Variants in TMPRSS13 observed in about 807,000 individuals in gnomAD.
The protein encoded by TMPRSS13 is transmembrane protease serine 13.
TMPRSS13 carries 50 observed loss-of-function variants against 68.4 expected under a neutral mutation model. The observed-to-expected ratio is 0.73, with a 90% CI of 0.58 to 0.93. The LOEUF (loss-of-function observed/expected upper bound fraction) is 0.93. Among genes scored for constraint, TMPRSS13 ranks in the 40% least tolerant of loss-of-function variants. The pLI, the probability that TMPRSS13 is intolerant of heterozygous loss-of-function variation, is 0.00. For synonymous variants in TMPRSS13, 267 were observed against 285.8 expected, an observed-to-expected ratio of 0.93 and a Z score of 0.66; for missense variants, 615 against 729.2, an observed-to-expected ratio of 0.84 and a Z score of 1.80.
rs1027441667 is a variant in TMPRSS13, at chr11:117,919,675, T to C, written c.22-837A>G. Among the ~76,000 whole-genome samples the C allele has an allele frequency of 7.9e-5, 12 of 152,100 alleles. No homozygotes were observed. In the East Asian group the frequency reaches 9.6e-4, roughly 12 times the overall value. On this transcript the variant is annotated intron_variant, in intron 1 of 12. Coordinates refer to ENST00000524993, the MANE Select transcript of TMPRSS13 (RefSeq NM_001077263.3). The stretch of plus-strand genomic sequence containing the variant: ...TCGTGTGTGTACTGGCACTTTAGAG[T>C]TGATAATAAACGTTCACATCTGTGG...
intron 1 of TMPRSS13, among the ~76,000 whole-genome samples, chr11:117,919,693 A>T (rs1283697346): frequency 6.6e-6 from 1 of 152,264 alleles, no homozygotes; most frequent in African/African-American, 2.4e-5. Context: ...AAACGTTCAC[A>T]TCTGTGGCCT....
At chr11:117,924,580 G>A (rs2057684302) in intron 1 of TMPRSS13, among the ~76,000 whole-genome samples, 1 of 152,170 alleles carries the variant, frequency 6.6e-6, no homozygotes, top group Non-Finnish European at 1.5e-5. Flanking sequence ...GAAAGATCAG[G>A]ATCTCCCTTT....
In TMPRSS13 at chr11:117,914,083, C is replaced by A. The variant is rs982818391; in HGVS notation, c.680-177G>T. Among the ~76,000 whole-genome samples the A allele has an allele frequency of 1.3e-5, 2 of 152,134 alleles. No homozygotes were observed. Among genetic ancestry groups the A allele is most frequent in the African/African-American group, 4.8e-5 (2 of 41,410 alleles). ...ATGGGGGTTAACCAGTACTCAGAAG[C>A]CCAGGATGCCTAGCATGGACAGAGC... On this transcript the variant is annotated intron_variant, in intron 4 of 12. Transcript: ENST00000524993. This position sits in a 1 kb window ranked among gnomAD's most constrained non-coding sequence, Gnocchi z 4.2.
Position 117,909,946 on chromosome 11 carries a change from G to T in TMPRSS13, c.969C>A (p.Thr323=). Residue 323 remains threonine, a synonymous_variant, in exon 8 of 13, where the codon ACC becomes ACA. Transcript: ENST00000524993. Reference sequence around the variant, plus strand: ...CCAGCGCCCCTCCCACGATCCGCCCGGTCATGGCCCTCAGTCCGCAGTCTG... The same window carrying T: ...CCAGCGCCCCTCCCACGATCCGCCCTGTCATGGCCCTCAGTCCGCAGTCTG... ...QCSHCGLRAM[T]GRIVGGALAS... is the part of the protein sequence containing the mutation. The T allele has an allele frequency of 6.2e-7, 1 of 1,614,164 alleles. No individual in the cohort carries two copies. The highest frequency in any genetic ancestry group is 8.5e-7 in the Non-Finnish European group (1 of 1,180,008).
intron 1 of TMPRSS13, among the ~76,000 whole-genome samples, chr11:117,928,045 T>A (rs898239152): frequency 6.6e-6 from 1 of 152,168 alleles, no homozygotes; most frequent in South Asian, 2.1e-4. Flanking sequence ...CCATCTCCAG[T>A]GGGAGCATGG....
In TMPRSS13 at chr11:117,917,153, C is replaced by A; in HGVS notation, c.556+17G>T. 6.2e-7 allele frequency: 1 copy of A among 1,603,788 alleles called. No homozygotes were observed. The highest frequency in any genetic ancestry group is 8.5e-7 in the Non-Finnish European group (1 of 1,175,012). On this transcript the variant is annotated intron_variant, in intron 3 of 12. Transcript: ENST00000524993. ...GCAGTGCCCAGAACCCACCCCTGCA[C>A]CCTCCATTCAACTCACAGAGGATGA...
Position 117,905,574 on chromosome 11 carries a change from C to A in TMPRSS13, c.1381+64G>T. The A allele has an allele frequency of 4.5e-6, 6 of 1,346,832 alleles. 1 individual carries two copies. The Middle Eastern group carries it at 5.5e-4, about 124-fold the overall frequency. 83.4% of individuals were successfully genotyped at this position (1,346,832 alleles called of 1,614,324 possible). On this transcript the variant is annotated intron_variant, in intron 10 of 12. Coordinates refer to ENST00000524993, the MANE Select transcript of TMPRSS13 (RefSeq NM_001077263.3). ...TATACCCAGACACATTGCTTACACACGCACATGTATACACACACATGCACA... is the reference window on the plus strand; with the variant it reads ...TATACCCAGACACATTGCTTACACAAGCACATGTATACACACACATGCACA...
chr11:117,913,840 A>T lies in TMPRSS13; in HGVS notation c.746T>A (p.Ile249Asn). 6.2e-7 allele frequency: 1 copy of T among 1,614,084 alleles called. No homozygotes were observed. The highest frequency in any genetic ancestry group is 8.5e-7 in the Non-Finnish European group (1 of 1,179,986). Residue 249 changes from isoleucine to asparagine, a missense_variant, in exon 5 of 13, where the codon ATC (isoleucine) becomes AAC (asparagine). Coordinates refer to ENST00000524993, the MANE Select transcript of TMPRSS13 (RefSeq NM_001077263.3). ...GGAGTCATTCCAGTTGCTGCTACAG[A>T]TGGGAAGCCACTGATGGGAGGACCC... is the stretch of plus-strand genomic sequence containing the variant. ...YSGSSHQWLP[I>N]CSSNWNDSYS...
chr11:117,905,537 G>T, intron 10 of TMPRSS13, 101 bp downstream of exon 10: 1 of 989,018 alleles, frequency 1.0e-6, no homozygotes, highest in Non-Finnish European at 1.5e-6. Context: ...CATCGACATA[G>T]GCCTTCATCT....
chr11:117,905,905 A>C (rs2057460557), intron 9 of TMPRSS13, among the ~76,000 whole-genome samples, 169 bp from the exon 10 acceptor site: 2 of 152,220 alleles, frequency 1.3e-5, no homozygotes, highest in South Asian at 4.1e-4. Flanking sequence ...CTGACCAGAC[A>C]TGAAACTCGA....
At chr11:117,910,682 C>T (rs2134889401) in intron 7 of TMPRSS13, 25 bp downstream of exon 7, 1 of 1,602,856 alleles carries the variant, frequency 6.2e-7, no homozygotes, top group East Asian at 2.2e-5. Flanking sequence ...ACACTGGCCA[C>T]AATCCAAGAA....
Position 117,922,508 on chromosome 11 carries a change from G to A in TMPRSS13, c.22-3670C>T, listed in dbSNP as rs530206194. On this transcript the variant is annotated intron_variant, in intron 1 of 12. Coordinates refer to ENST00000524993, the MANE Select transcript of TMPRSS13 (RefSeq NM_001077263.3). This position sits in a 1 kb window ranked among gnomAD's most constrained non-coding sequence, Gnocchi z 4.2. ...CTCCCAAAGTGCTGGGATTACAGGC[G>A]TGAGCCACCGCGCCCAGCCGAGACT... 3.9e-5 allele frequency among the ~76,000 whole-genome samples: 6 copies of A among 152,226 alleles called. No individual in the cohort carries two copies. Among genetic ancestry groups the A allele is most frequent in the Admixed American group, 1.3e-4 (2 of 15,296 alleles).
In TMPRSS13 at chr11:117,915,560, G is replaced by T. The variant is rs545075517; in HGVS notation, c.557-1046C>A. 3.9e-5 allele frequency among the ~76,000 whole-genome samples: 6 copies of T among 152,334 alleles called. No homozygotes were observed. The highest frequency in any genetic ancestry group is 1.4e-4 in the African/African-American group (6 of 41,576). Reference sequence around the variant, plus strand: ...CAGTCTCCCCTGGAGTGCTCATGGAGCCCCACGTGGATGTGTAGTGGAGAG... The same window carrying T: ...CAGTCTCCCCTGGAGTGCTCATGGATCCCCACGTGGATGTGTAGTGGAGAG... On this transcript the variant is annotated intron_variant, in intron 3 of 12. Coordinates refer to ENST00000524993, the MANE Select transcript of TMPRSS13 (RefSeq NM_001077263.3). The surrounding 1 kb of genome is among the most constrained non-coding windows in gnomAD (Gnocchi z 4.9).
chr11:117,924,985 C>T (rs147657094), intron 1 of TMPRSS13, among the ~76,000 whole-genome samples: 200 of 152,320 alleles, frequency 1.3e-3, no homozygotes, highest in African/African-American at 4.5e-3. Context: ...CGGGGAGCCT[C>T]GCTTCTGCTC....
In TMPRSS13 at chr11:117,917,227, G is replaced by A. The variant is rs2057587820; in HGVS notation, c.499C>T (p.Pro167Ser). 6.2e-7 allele frequency: 1 copy of A among 1,612,930 alleles called. No homozygotes were observed. The highest frequency in any genetic ancestry group is 1.3e-5 in the African/African-American group (1 of 74,940). The change falls in exon 3 of 13, where the codon CCG becomes TCG. Residue 167 changes from proline (P) to serine (S), a missense_variant. Transcript: ENST00000524993. ...AGGAGGAGCACGCACCCGATGAGCGGTAGCTGCTTCTGGCCCTCCCGCCAG... is the reference window on the plus strand; with the variant it reads ...AGGAGGAGCACGCACCCGATGAGCGATAGCTGCTTCTGGCCCTCCCGCCAG... ...FTWREGQKQL[P>S]LIGCVLLLIA...
intron 3 of TMPRSS13, 112 bp downstream of exon 3, chr11:117,917,058 G>T: frequency 1.1e-6 from 1 of 871,648 alleles, no homozygotes; most frequent in Non-Finnish European, 1.8e-6. Context: ...GGACACAGTA[G>T]CCGGGTGAGT....
intron 1 of TMPRSS13, among the ~76,000 whole-genome samples, chr11:117,927,942 C>G (rs1442947263): frequency 6.6e-6 from 1 of 152,312 alleles, no homozygotes; most frequent in East Asian, 1.9e-4. Flanking sequence ...TGTCCTGTAT[C>G]CCTCCAGCAG....
Position 117,904,011 on chromosome 11 carries a change from G to T in TMPRSS13, c.1472C>A (p.Thr491Asn). Residue 491 changes from threonine (T) to asparagine (N), a missense_variant, in exon 11 of 13, where the codon ACC becomes AAC. By Grantham distance (65) the Thr-to-Asn change is moderately conservative. Transcript: ENST00000524993. ...GTCCCCAGCACACATCATCCTTGGG[G>T]TAAGGTAACTGTCATAGACCAAGTA... ...NDYLVYDSYL[T>N]PRMMCAGDLR... 6.2e-7 allele frequency: 1 copy of T among 1,613,500 alleles called. No homozygotes were observed. Among genetic ancestry groups the T allele is most frequent in the South Asian group, 1.1e-5 (1 of 90,816 alleles).
intron 1 of TMPRSS13, among the ~76,000 whole-genome samples, chr11:117,920,429 C>T (rs968372121): frequency 1.3e-4 from 20 of 151,976 alleles, no homozygotes; most frequent in Admixed American, 1.2e-3. Context: ...ACCTCCGCCT[C>T]CCAGGTTCAA....
Sources: allele counts gnomAD v4.1 joint callset (sites outside exome capture counted in the v4.1 genomes callset), GRCh38; gene constraint gnomAD v4.1.1; non-coding constraint Gnocchi (gnomAD v3.1); transcripts MANE v1.5; gene names NCBI Gene and HGNC (gene_info 2026-07-23, HGNC 2026-07-21).